TBXAS1: variants seen among roughly 807,000 people sequenced by gnomAD.
The protein encoded by TBXAS1 is thromboxane-A synthase.
A neutral mutation model predicts 60.7 loss-of-function variants in TBXAS1; 48 were observed. The observed-to-expected ratio is 0.79, with a 90% CI of 0.63 to 1.01. The LOEUF (loss-of-function observed/expected upper bound fraction) is 1.01. Among genes scored for constraint, TBXAS1 ranks in the 50% least tolerant of loss-of-function variants. The probability of loss-of-function intolerance (pLI) is 0.00; values close to 1 mark genes in which losing one functional copy is unlikely to be tolerated. For synonymous variants in TBXAS1, 287 were observed against 269.7 expected (o/e 1.06, Z -0.63); for missense variants, 685 against 686.3 (o/e 1.00, Z 0.02).
At chr7:139,859,538 T>A (rs1800825072) in intron 1 of TBXAS1, among the ~76,000 whole-genome samples, 1 of 152,200 alleles carries the variant, frequency 6.6e-6, no homozygotes, top group South Asian at 2.1e-4. Context: ...TAAGTGATAC[T>A]GATTTTCACT....
intron 3 of TBXAS1, chr7:139,906,273 CT>C (rs1322729519): frequency 1.3e-5 from 2 of 158,558 alleles, no homozygotes; most frequent in African/African-American, 4.8e-5. Context: ...CCAGGATGGT[CT>C]CAAACTCCTG....
Position 139,813,947 on chromosome 7 carries a change from A to G in TBXAS1, c.-79-15365A>G, listed in dbSNP as rs1798086737. 2.6e-5 allele frequency among the ~76,000 whole-genome samples: 4 copies of G among 152,102 alleles called. 1 individual carries two copies. The South Asian group carries it at 8.3e-4, about 31-fold the overall frequency. ...CAGAAGTCTCTGTTGCTTGCATGTT[A>G]TGTGGATGTGGTTTTCATTTTTCTG... On this transcript the variant is annotated intron_variant, in intron 4 of 16. Coordinates refer to the TBXAS1 transcript ENST00000336425.
intron 3 of TBXAS1, among the ~76,000 whole-genome samples, chr7:139,885,539 CA>C (rs1161704370): frequency 6.6e-6 from 1 of 152,180 alleles, no homozygotes; most frequent in East Asian, 1.9e-4. Flanking sequence ...CAGACAGTCT[CA>C]AAAAGTGCAC....
At chr7:139,982,301 G>T (rs1004426347) in intron 9 of TBXAS1, among the ~76,000 whole-genome samples, 1 of 152,120 alleles carries the variant, frequency 6.6e-6, no homozygotes, top group African/African-American at 2.4e-5. Context: ...CTCTCTACTG[G>T]CTCTTCTCTG....
chr7:139,984,748 AAAAGAAAG>A (rs1250809135), intron 9 of TBXAS1, among the ~76,000 whole-genome samples: 1 of 133,966 alleles, frequency 7.5e-6, no homozygotes, highest in African/African-American at 2.7e-5. Context: ...GAAGAAAAAG[AAAAGAAAG>A]AAAGAAAGCA....
chr7:139,993,797 A>T (rs576315297), intron 9 of TBXAS1, among the ~76,000 whole-genome samples: 1 of 151,804 alleles, frequency 6.6e-6, no homozygotes, highest in African/African-American at 2.4e-5. Flanking sequence ...TAGGCAAGTC[A>T]CTTCACCTCT....
chr7:139,864,639 TAG>T (rs147728972), intron 1 of TBXAS1, among the ~76,000 whole-genome samples: 5,578 of 152,110 alleles, frequency 0.037, 315 homozygotes, highest in African/African-American at 0.13. Context: ...GAGTGTGATT[TAG>T]AGTTATAATA....
chr7:139,879,406 A>G (rs531893659), intron 3 of TBXAS1, among the ~76,000 whole-genome samples: 11 of 152,310 alleles, frequency 7.2e-5, no homozygotes, highest in African/African-American at 2.6e-4. Context: ...TGAATTGCAC[A>G]GCAACCTGGC....
At chr7:139,989,123 A>AAC (rs1244561727) in intron 9 of TBXAS1, among the ~76,000 whole-genome samples, 2 of 152,218 alleles carry the variant, frequency 1.3e-5, no homozygotes, top group Non-Finnish European at 2.9e-5. Context: ...AGAAATCAAC[A>AAC]ACACGTGGGC....
chr7:140,002,219 C>T (rs180681128), intron 9 of TBXAS1, among the ~76,000 whole-genome samples: 4 of 152,320 alleles, frequency 2.6e-5, no homozygotes, highest in African/African-American at 7.2e-5. Context: ...GTTTAGGAAT[C>T]GGTTTCCTCA....
chr7:139,784,442 A>G (rs1401022893), intron 3 of TBXAS1, among the ~76,000 whole-genome samples: 1 of 152,208 alleles, frequency 6.6e-6, no homozygotes, highest in African/African-American at 2.4e-5. Flanking sequence ...GATACAATAT[A>G]ATGAGTGCAG....
At chr7:139,805,768 TTTC>T (rs1797857281) in intron 4 of TBXAS1, among the ~76,000 whole-genome samples, 1 of 147,662 alleles carries the variant, frequency 6.8e-6, no homozygotes, top group African/African-American at 2.5e-5. Flanking sequence ...TCTTTCTTTC[TTTC>T]TTCTTTTTTT....
intron 2 of TBXAS1, 76 bp from the exon 3 acceptor site, chr7:139,875,509 A>T: frequency 8.0e-7 from 1 of 1,256,730 alleles, no homozygotes; most frequent in South Asian, 1.2e-5. Flanking sequence ...GCTGTTCCAA[A>T]TTGTTTACTG....
At chr7:139,968,538 G>A (rs1030435632) in intron 9 of TBXAS1, among the ~76,000 whole-genome samples, 2 of 151,980 alleles carry the variant, frequency 1.3e-5, no homozygotes, top group Non-Finnish European at 2.9e-5. Context: ...CAAGTGATCC[G>A]CCTGCCTCAG....
intron 6 of TBXAS1, among the ~76,000 whole-genome samples, chr7:139,955,080 T>A (rs895855354): frequency 6.6e-6 from 1 of 152,318 alleles, no homozygotes; most frequent in Non-Finnish European, 1.5e-5. Flanking sequence ...CATGTAGGCG[T>A]TGGGTCACCT....
intron 3 of TBXAS1, among the ~76,000 whole-genome samples, chr7:139,877,378 C>T (rs1253097285): frequency 2.0e-5 from 3 of 152,130 alleles, no homozygotes; most frequent in Non-Finnish European, 4.4e-5. Flanking sequence ...ATTTCTCTTA[C>T]CGTTGTGTGG....
At chr7:139,891,532 T>C (rs1243881697) in intron 3 of TBXAS1, among the ~76,000 whole-genome samples, 1 of 152,232 alleles carries the variant, frequency 6.6e-6, no homozygotes, top group African/African-American at 2.4e-5. Context: ...TCCATTCCAC[T>C]GCCTCTTCTT....
chr7:139,944,622 T>G (rs534736724), intron 5 of TBXAS1, among the ~76,000 whole-genome samples: 14 of 151,976 alleles, frequency 9.2e-5, no homozygotes, highest in African/African-American at 3.4e-4. Flanking sequence ...TCTGGAGGAG[T>G]CTCCTCTTTG....
At chr7:139,812,274 C>G (rs1055829458) in intron 4 of TBXAS1, among the ~76,000 whole-genome samples, 6 of 152,306 alleles carry the variant, frequency 3.9e-5, no homozygotes, top group Non-Finnish European at 8.8e-5. Context: ...CAAATACACA[C>G]AAATGAGGGG....
Sources: allele counts gnomAD v4.1 joint callset (sites outside exome capture counted in the v4.1 genomes callset), GRCh38; gene constraint gnomAD v4.1.1; transcripts MANE v1.5; gene names NCBI Gene and HGNC (gene_info 2026-07-23, HGNC 2026-07-21).